GALNT13: variants seen among roughly 807,000 people sequenced by gnomAD.
GALNT13 encodes polypeptide N-acetylgalactosaminyltransferase 13, also known as UDP-GalNAc:polypeptide N-acetylgalactosaminyltransferase 13.
GALNT13 carries 28 observed loss-of-function variants against 64.2 expected under a neutral mutation model. That is an observed-to-expected ratio of 0.44 (90% CI 0.32 to 0.60). GALNT13 has a LOEUF of 0.60. Ranked by LOEUF, GALNT13 falls within the 20% of genes least tolerant of loss-of-function variation. The probability of loss-of-function intolerance (pLI) is 0.05; values close to 1 mark genes in which losing one functional copy is unlikely to be tolerated. For missense variants in GALNT13, 577 were observed against 669.8 expected, an observed-to-expected ratio of 0.86 and a Z score of 1.53; for synonymous variants, 214 against 224.6, an observed-to-expected ratio of 0.95 and a Z score of 0.42.
the GALNT13 span, among the ~76,000 whole-genome samples, chr2:153,258,165 T>C: frequency 6.6e-6 from 1 of 152,190 alleles, no homozygotes; most frequent in African/African-American, 2.4e-5. Flanking sequence ...ATGTAAAAAA[T>C]AATTATTCTT....
Position 154,140,532 on chromosome 2 carries a change from T to C in GALNT13, c.311+27T>C, listed in dbSNP as rs375265136. The C allele has an allele frequency of 2.6e-4, 380 of 1,453,754 alleles. No individual in the cohort carries two copies. The African/African-American group carries it at 3.5e-3, about 13-fold the overall frequency. 90.1% of individuals were successfully genotyped at this position (1,453,754 alleles called of 1,614,324 possible). A position where few individuals can be genotyped will look rare whatever the true frequency, so the allele number is the denominator to read the frequency against. ...TAAGTTTGCATTTGTTATATAATCTTTTATATTCATAATCACCATATTTCA... is the reference window on the plus strand; with the variant it reads ...TAAGTTTGCATTTGTTATATAATCTCTTATATTCATAATCACCATATTTCA... On this transcript the variant is annotated intron_variant, in intron 4 of 12. Coordinates refer to ENST00000392825, the MANE Select transcript of GALNT13 (RefSeq NM_052917.4).
chr2:153,193,023 C>A, the GALNT13 span, among the ~76,000 whole-genome samples: 236 of 152,046 alleles, frequency 1.6e-3, 2 homozygotes, highest in African/African-American at 5.5e-3. Flanking sequence ...CTTACTCCTG[C>A]CATTTTGTTT....
chr2:153,677,241 G>C, the GALNT13 span, among the ~76,000 whole-genome samples: 1 of 150,884 alleles, frequency 6.6e-6, no homozygotes, highest in African/African-American at 2.4e-5. Flanking sequence ...TAACATTTGA[G>C]CTTGGAACCA....
intron 7 of GALNT13, among the ~76,000 whole-genome samples, chr2:154,252,178 A>G (rs1461541735): frequency 1.3e-5 from 2 of 151,926 alleles, no homozygotes; most frequent in Non-Finnish European, 2.9e-5. Flanking sequence ...TTTGCCAAGT[A>G]AGATTAAATA....
intron 8 of GALNT13, among the ~76,000 whole-genome samples, chr2:154,285,944 T>A (rs1452104683): frequency 6.6e-6 from 1 of 152,220 alleles, no homozygotes; most frequent in East Asian, 1.9e-4. Flanking sequence ...CCTAAGTATT[T>A]TTTATGTTAT....
chr2:153,637,090 A>G, the GALNT13 span, among the ~76,000 whole-genome samples: 2 of 152,136 alleles, frequency 1.3e-5, no homozygotes, highest in African/African-American at 4.8e-5. Context: ...AAAGAAAATA[A>G]GGTCTGAAGC....
At chr2:154,303,484 C>G (rs1559079516) in intron 9 of GALNT13, among the ~76,000 whole-genome samples, 1 of 152,106 alleles carries the variant, frequency 6.6e-6, no homozygotes. Context: ...ATGATTGGCC[C>G]AGCTGCTAGC....
intron 3 of GALNT13, among the ~76,000 whole-genome samples, chr2:154,051,751 T>C (rs1699633013): frequency 6.6e-6 from 1 of 152,182 alleles, no homozygotes; most frequent in African/African-American, 2.4e-5. Context: ...TTATGATCTA[T>C]AGATACTTTC....
At chr2:153,250,175 T>G in the GALNT13 span, among the ~76,000 whole-genome samples, 2 of 152,176 alleles carry the variant, frequency 1.3e-5, no homozygotes, top group Admixed American at 6.5e-5. Context: ...TACAAGGAAC[T>G]TAAACAAATT....
At chr2:153,861,240 A>G in the GALNT13 span, among the ~76,000 whole-genome samples, 44 of 152,210 alleles carry the variant, frequency 2.9e-4, no homozygotes, top group Non-Finnish European at 5.6e-4. Context: ...CAAAATATCT[A>G]TTATTATATG....
At chr2:153,532,008 AG>A in the GALNT13 span, among the ~76,000 whole-genome samples, 1 of 152,164 alleles carries the variant, frequency 6.6e-6, no homozygotes, top group African/African-American at 2.4e-5. Flanking sequence ...GCACAGGGCA[AG>A]CTGTCCATGG....
At chr2:153,901,771 T>C (rs1688249978) in intron 2 of GALNT13, among the ~76,000 whole-genome samples, 1 of 152,100 alleles carries the variant, frequency 6.6e-6, no homozygotes, top group Admixed American at 6.6e-5. Context: ...CCAAAATGAG[T>C]TGCCTTGAAC....
At chr2:153,164,990 T>A in the GALNT13 span, among the ~76,000 whole-genome samples, 1 of 152,242 alleles carries the variant, frequency 6.6e-6, no homozygotes, top group Non-Finnish European at 1.5e-5. Flanking sequence ...CTATATTGGA[T>A]AAAAGGTATA....
chr2:153,383,036 A>T, the GALNT13 span, among the ~76,000 whole-genome samples: 3 of 151,898 alleles, frequency 2.0e-5, no homozygotes, highest in Non-Finnish European at 4.4e-5. Flanking sequence ...ATTCTTTTTT[A>T]AAAAATTCAT....
the GALNT13 span, among the ~76,000 whole-genome samples, chr2:153,152,913 G>C: frequency 6.6e-6 from 1 of 152,074 alleles, no homozygotes; most frequent in Non-Finnish European, 1.5e-5. Flanking sequence ...TATTCCTTTA[G>C]GTATATACCC....
intron 3 of GALNT13, among the ~76,000 whole-genome samples, chr2:154,034,015 A>G (rs1390534530): frequency 6.6e-6 from 1 of 152,096 alleles, no homozygotes; most frequent in Non-Finnish European, 1.5e-5. Context: ...GCCCTCAGAC[A>G]TTGCTGGAGA....
At chr2:153,810,786 C>T in the GALNT13 span, among the ~76,000 whole-genome samples, 4 of 152,144 alleles carry the variant, frequency 2.6e-5, no homozygotes, top group African/African-American at 9.7e-5. Context: ...TGTGGATCCT[C>T]ATTTATCTAT....
chr2:153,986,731 C>G (rs1272525663), intron 3 of GALNT13, among the ~76,000 whole-genome samples: 2 of 151,798 alleles, frequency 1.3e-5, no homozygotes, highest in Admixed American at 1.3e-4. Context: ...CTCAGAATGC[C>G]TACGGAAATG....
chr2:153,966,634 CTGGGA>C (rs1693376580), intron 3 of GALNT13, among the ~76,000 whole-genome samples: 1 of 152,032 alleles, frequency 6.6e-6, no homozygotes, highest in African/African-American at 2.4e-5. Context: ...TTCCAAAGCG[CTGGGA>C]TTACAGGCGT....
Sources: gnomAD v4.1 joint callset for allele counts (sites outside exome capture counted in the v4.1 genomes callset) on GRCh38, gnomAD v4.1.1 for gene constraint, MANE v1.5 for transcripts, NCBI Gene and HGNC (gene_info 2026-07-23, HGNC 2026-07-21) for gene names.